ADD2: variants seen among roughly 807,000 people sequenced by gnomAD.
The protein encoded by ADD2 is adducin 2, also known as beta-adducin.
A neutral mutation model predicts 83.0 loss-of-function variants in ADD2; 23 were observed. The ratio of observed to expected loss-of-function variants is 0.28; its 90% CI spans 0.20 to 0.39. The LOEUF is 0.39. ADD2 is among the 10% of genes least tolerant of loss of function. The pLI is 1.00. For synonymous variants in ADD2, 375 were observed against 375.4 expected (o/e 1.00, Z 0.01); for missense variants, 758 against 944.9 (o/e 0.80, Z 2.59).
chr2:70,704,263 T>TACCCC, intron 4 of ADD2, 58 bp downstream of exon 4: 1 of 913,238 alleles, frequency 1.1e-6, no homozygotes, highest in Non-Finnish European at 1.7e-6. Flanking sequence ...CTCCCTCTCT[T>TACCCC]CCCCACCCCA....
intron 1 of ADD2, among the ~76,000 whole-genome samples, chr2:70,716,545 G>A (rs1449102869): frequency 1.3e-5 from 2 of 152,066 alleles, no homozygotes; most frequent in Non-Finnish European, 2.9e-5. Flanking sequence ...ATCTATTACC[G>A]TGAGCTCCTG....
intron 4 of ADD2, 80 bp from the exon 5 acceptor site, chr2:70,696,476 A>C: frequency 1.0e-4 from 157 of 1,569,224 alleles, no homozygotes; most frequent in Non-Finnish European, 1.2e-4. Context: ...CCAAATTCTC[A>C]CTGGCACTAA....
intron 8 of ADD2, among the ~76,000 whole-genome samples, 165 bp from the exon 9 acceptor site, chr2:70,688,287 G>A (rs1670845932): frequency 6.6e-6 from 1 of 152,098 alleles, no homozygotes; most frequent in African/African-American, 2.4e-5. Context: ...ACCCCACATG[G>A]GATTTTAACT....
At chr2:70,716,023 C>CTTTTT (rs1193619766) in intron 1 of ADD2, among the ~76,000 whole-genome samples, 3 of 151,778 alleles carry the variant, frequency 2.0e-5, no homozygotes, top group African/African-American at 7.3e-5. Flanking sequence ...GTTCCTTAAC[C>CTTTTT]TTTTTTTTTC....
rs1380077694 is a variant in ADD2, at chr2:70,659,504, G to A, written c.*3921C>T. ...GGCAGAGGGCAGTGCTTTACAGTGG[G>A]GTTCTTACTGTAAGAACTTACTGCT... On this transcript the variant is annotated 3_prime_UTR_variant, in exon 16 of 16. Transcript: ENST00000264436. 6.6e-6 allele frequency: 1 copy of A among 152,148 alleles called. No homozygotes were observed. The highest frequency in any genetic ancestry group is 2.4e-5 in the African/African-American group (1 of 41,418). The allele number at this position is 152,148 out of a possible 1,614,324, so 9.4% of individuals were successfully genotyped here.
In ADD2 at chr2:70,660,500, T is replaced by G. The variant is rs1367183530; in HGVS notation, c.*2925A>C. On this transcript the variant is annotated 3_prime_UTR_variant, in exon 16 of 16. Transcript: ENST00000264436. The stretch of plus-strand genomic sequence containing the variant: ...AGTCTCCATTCAGCCACCAAAGGGA[T>G]TTTCCTAAAATGCAATTCTGATCAT... The G allele has an allele frequency of 6.6e-6, 1 of 152,394 alleles. No homozygotes were observed. Among genetic ancestry groups the G allele is most frequent in the Non-Finnish European group, 1.5e-5 (1 of 68,108 alleles). The allele number at this position is 152,394 out of a possible 1,614,324, so 9.4% of individuals were successfully genotyped here.
chr2:70,677,533 G>A (rs367662230), intron 12 of ADD2, among the ~76,000 whole-genome samples: 1 of 152,220 alleles, frequency 6.6e-6, no homozygotes, highest in East Asian at 1.9e-4. Flanking sequence ...GAGACAGCTG[G>A]TGTGTAAACC....
At position 70,663,469 on chromosome 2, in the gene ADD2, A is replaced by C; in HGVS notation, c.2137T>G (p.Ser713Ala). ...SKKKKKFRTPSFLKKSKKKEK... is the reference protein window; with the variant it reads ...SKKKKKFRTPAFLKKSKKKEK... ...TTCTTTTTGCTCTTTTTCAGGAAGG[A>C]GGGGGTTCGGAATTTCTTTTTCTTC... Residue 713 changes from serine to alanine, a missense_variant, in exon 16 of 16, where the codon TCC (serine) becomes GCC (alanine). Physicochemically the swap from Ser to Ala is moderately conservative, Grantham distance 99. Transcript: ENST00000264436. 4 of 1,613,856 alleles carry C rather than the reference A, an allele frequency of 2.5e-6. No homozygotes were observed. The highest frequency in any genetic ancestry group is 3.4e-6 in the Non-Finnish European group (4 of 1,179,954).
At chr2:70,731,633 A>ACCTCAAGACCCTTCTAATC (rs1553379299) in intron 1 of ADD2, among the ~76,000 whole-genome samples, 1 of 152,206 alleles carries the variant, frequency 6.6e-6, no homozygotes, top group Non-Finnish European at 1.5e-5. Context: ...AGCAGAGGAC[A>ACCTCAAGACCCTTCTAATC]CCTCAAGACC....
At chr2:70,757,565 T>C (rs1374047901) in intron 1 of ADD2, among the ~76,000 whole-genome samples, 1 of 151,982 alleles carries the variant, frequency 6.6e-6, no homozygotes, top group Non-Finnish European at 1.5e-5. Flanking sequence ...TGGAAAGATT[T>C]AAGAGAAATA....
At chr2:70,714,010 G>C (rs4141456) in intron 1 of ADD2, among the ~76,000 whole-genome samples, 49,398 of 151,358 alleles carry the variant, frequency 0.33, 8,833 homozygotes, top group East Asian at 0.55. Context: ...AGAGTTCAAG[G>C]GGAAGAAAGG....
At chr2:70,671,198 T>G (rs1322743508) in intron 15 of ADD2, among the ~76,000 whole-genome samples, 1 of 152,096 alleles carries the variant, frequency 6.6e-6, no homozygotes, top group Non-Finnish European at 1.5e-5. Flanking sequence ...AAGGTGCCTG[T>G]GCATTAGGAA....
intron 1 of ADD2, among the ~76,000 whole-genome samples, chr2:70,754,048 T>C (rs1243844219): frequency 6.6e-6 from 1 of 152,150 alleles, no homozygotes; most frequent in Non-Finnish European, 1.5e-5. Context: ...ATGAGATTTA[T>C]GGCTGAGGGG....
chr2:70,700,519 A>C (rs1303909993), intron 4 of ADD2, among the ~76,000 whole-genome samples: 2 of 152,148 alleles, frequency 1.3e-5, no homozygotes, highest in Non-Finnish European at 2.9e-5. Flanking sequence ...AAATAAATAC[A>C]TTTTATGCTG....
chr2:70,738,462 A>C (rs970436612), intron 1 of ADD2, among the ~76,000 whole-genome samples: 1 of 152,234 alleles, frequency 6.6e-6, no homozygotes, highest in Non-Finnish European at 1.5e-5. Context: ...AAAGCTAATC[A>C]GCTGAAAGAT....
intron 1 of ADD2, among the ~76,000 whole-genome samples, chr2:70,763,137 CCA>C (rs1466527780): frequency 6.6e-6 from 1 of 151,940 alleles, no homozygotes. Context: ...AGTTTAGACT[CCA>C]CAGAGGATAC....
chr2:70,757,112 G>A (rs1241171360), intron 1 of ADD2, among the ~76,000 whole-genome samples: 1 of 152,202 alleles, frequency 6.6e-6, no homozygotes, highest in Non-Finnish European at 1.5e-5. Context: ...ACAGGGATAA[G>A]CCACCGTGCC....
rs148007113 is a variant in ADD2, at chr2:70,720,230, A to T, written c.-153-7046T>A. Among the ~76,000 whole-genome samples the T allele has an allele frequency of 2.4e-4, 37 of 152,256 alleles. 1 individual carries two copies. The East Asian group carries it at 6.2e-3, about 25-fold the overall frequency. On this transcript the variant is annotated intron_variant, in intron 1 of 15. Coordinates refer to ENST00000264436, the MANE Select transcript of ADD2 (RefSeq NM_001617.4). Reference sequence around the variant, plus strand: ...GGGAAGCTGTGAACGTTCAAAACTGAAACAAGACTCGGGAGTGCTGGTGTG... The same window carrying T: ...GGGAAGCTGTGAACGTTCAAAACTGTAACAAGACTCGGGAGTGCTGGTGTG...
At chr2:70,724,062 C>T (rs1394511242) in intron 1 of ADD2, among the ~76,000 whole-genome samples, 13 of 152,210 alleles carry the variant, frequency 8.5e-5, no homozygotes, top group Admixed American at 7.2e-4. Flanking sequence ...TGAATATCCA[C>T]CTAACGACCT....
Sources: allele counts gnomAD v4.1 joint callset (sites outside exome capture counted in the v4.1 genomes callset), GRCh38; gene constraint gnomAD v4.1.1; transcripts MANE v1.5; gene names NCBI Gene and HGNC (gene_info 2026-07-23, HGNC 2026-07-21).